Variants in XXYLT1 observed in about 807,000 individuals in gnomAD.
XXYLT1 encodes xyloside xylosyltransferase 1.
In XXYLT1, 20 loss-of-function variants were observed where a neutral mutation model predicts 28.9. The observed-to-expected ratio is 0.69, with a 90% CI of 0.49 to 1.00. The LOEUF (loss-of-function observed/expected upper bound fraction) is 1.00. Among genes scored for constraint, XXYLT1 ranks in the 50% least tolerant of loss-of-function variants. The pLI is 0.00. For synonymous variants in XXYLT1, 257 were observed against 253.8 expected (o/e 1.01, Z -0.12); for missense variants, 542 against 560.1 (o/e 0.97, Z 0.33).
At chr3:195,111,523 A>G (rs1039352255) in intron 3 of XXYLT1, among the ~76,000 whole-genome samples, 1 of 152,022 alleles carries the variant, frequency 6.6e-6, no homozygotes, top group South Asian at 2.1e-4. Flanking sequence ...TCTGGCTAGG[A>G]TGGCGCTCCA....
chr3:195,103,649 A>G (rs546692508), intron 3 of XXYLT1, among the ~76,000 whole-genome samples: 190 of 152,362 alleles, frequency 1.2e-3, no homozygotes, highest in Non-Finnish European at 1.9e-3. Flanking sequence ...GATAAATGAC[A>G]GAAGAGGTGC....
chr3:195,221,467 G>C (rs1461519459), intron 2 of XXYLT1, among the ~76,000 whole-genome samples: 1 of 152,256 alleles, frequency 6.6e-6, no homozygotes, highest in Non-Finnish European at 1.5e-5. Context: ...TATTGACAAA[G>C]GATTGACTGC....
At chr3:195,220,707 A>G (rs563149624) in intron 2 of XXYLT1, among the ~76,000 whole-genome samples, 2 of 152,300 alleles carry the variant, frequency 1.3e-5, no homozygotes, top group South Asian at 4.1e-4. Context: ...AATGGAGCCT[A>G]TCGCATGAAA....
At chr3:195,170,337 C>T (rs963079118) in intron 2 of XXYLT1, among the ~76,000 whole-genome samples, 4 of 152,038 alleles carry the variant, frequency 2.6e-5, no homozygotes, top group African/African-American at 9.7e-5. Flanking sequence ...CAGAAAACAC[C>T]CATCTTTTAG....
chr3:195,175,402 G>T (rs182956057), intron 2 of XXYLT1, among the ~76,000 whole-genome samples: 6 of 152,232 alleles, frequency 3.9e-5, no homozygotes, highest in Non-Finnish European at 7.3e-5. Context: ...CAGAAGGGAA[G>T]TCTAAGACCA....
At chr3:195,171,622 TCAAA>T (rs574115855) in intron 2 of XXYLT1, among the ~76,000 whole-genome samples, 90 of 152,306 alleles carry the variant, frequency 5.9e-4, no homozygotes, top group Non-Finnish European at 1.1e-3. Context: ...TCCATGGATG[TCAAA>T]CAAACAAACA....
At chr3:195,120,942 G>A (rs762659945) in intron 3 of XXYLT1, among the ~76,000 whole-genome samples, 1 of 152,192 alleles carries the variant, frequency 6.6e-6, no homozygotes, top group Admixed American at 6.5e-5. Flanking sequence ...AATCAGGCTC[G>A]TGGTGTTCCC....
At chr3:195,122,478 A>G (rs945108187) in intron 3 of XXYLT1, among the ~76,000 whole-genome samples, 2 of 152,050 alleles carry the variant, frequency 1.3e-5, no homozygotes, top group Non-Finnish European at 2.9e-5. Context: ...TAGTAGTAGT[A>G]CTCAGTACTC....
intron 3 of XXYLT1, among the ~76,000 whole-genome samples, chr3:195,073,902 T>C (rs537217555): frequency 1.3e-5 from 2 of 152,298 alleles, no homozygotes; most frequent in East Asian, 3.9e-4. Flanking sequence ...AGTTACTTCC[T>C]CGCTTCAAGT....
In XXYLT1 at chr3:195,112,324, A is replaced by C. The variant is rs187275271; in HGVS notation, c.786-42213T>G. Among the ~76,000 whole-genome samples, 4 of 152,194 alleles carry C rather than the reference A, an allele frequency of 2.6e-5. No homozygotes were observed. The East Asian group carries it at 7.7e-4, about 29-fold the overall frequency. ...CGCAAGCCCCAGAAGATCTGTCCACACTGATCCACTCTGCTCAGTTCTGAG... is the reference window on the plus strand; with the variant it reads ...CGCAAGCCCCAGAAGATCTGTCCACCCTGATCCACTCTGCTCAGTTCTGAG... On this transcript the variant is annotated intron_variant, in intron 3 of 3. Transcript: ENST00000310380.
intron 3 of XXYLT1, among the ~76,000 whole-genome samples, chr3:195,110,226 TAA>T (rs1268907414): frequency 1.2e-4 from 7 of 57,014 alleles, no homozygotes; most frequent in African/African-American, 2.7e-4. Context: ...GTGTGGTGTA[TAA>T]GTGTGTGGTG....
intron 2 of XXYLT1, among the ~76,000 whole-genome samples, chr3:195,214,439 G>GC (rs1723468384): frequency 6.6e-6 from 1 of 151,810 alleles, no homozygotes. Flanking sequence ...TCCTAAACCA[G>GC]CCCCCACCCC....
chr3:195,260,894 T>C (rs1725677589), intron 1 of XXYLT1, among the ~76,000 whole-genome samples: 1 of 152,158 alleles, frequency 6.6e-6, no homozygotes, highest in Non-Finnish European at 1.5e-5. Flanking sequence ...GCAGTTTTGG[T>C]TCATATTGAA....
rs766930014 is a variant in XXYLT1 at position 195,210,697 on chromosome 3, G to A, written c.652+16012C>T. 4.0e-4 allele frequency among the ~76,000 whole-genome samples: 61 copies of A among 152,324 alleles called. No individual in the cohort carries two copies. In the Middle Eastern group the frequency reaches 0.017, roughly 42 times the overall value. On this transcript the variant is annotated intron_variant, in intron 2 of 3. Coordinates refer to ENST00000310380, the MANE Select transcript of XXYLT1 (RefSeq NM_152531.5). The surrounding 1 kb of genome is among the most constrained non-coding windows in gnomAD (Gnocchi z 4.8). ...CATTTTATGACAAATTTGCTCAGCT[G>A]TCCCTCTTCAGAATAAGAGAACCGA...
chr3:195,205,550 C>G (rs1422362977), intron 2 of XXYLT1, among the ~76,000 whole-genome samples: 1 of 152,112 alleles, frequency 6.6e-6, no homozygotes, highest in Non-Finnish European at 1.5e-5. Context: ...GATAAACGTT[C>G]TCAGCTTGAT....
At chr3:195,110,177 T>A (rs1577038291) in intron 3 of XXYLT1, among the ~76,000 whole-genome samples, 9 of 24,946 alleles carry the variant, frequency 3.6e-4, no homozygotes, top group South Asian at 3.0e-3. Flanking sequence ...TGTCTGAGTA[T>A]GTGTGTGTGT....
At chr3:195,208,595 A>G (rs965383791) in intron 2 of XXYLT1, among the ~76,000 whole-genome samples, 1 of 152,252 alleles carries the variant, frequency 6.6e-6, no homozygotes, top group Non-Finnish European at 1.5e-5. Flanking sequence ...TCAGTTCTGC[A>G]GGAACAGAAA....
chr3:195,122,577 A>G (rs1438173399), intron 3 of XXYLT1, among the ~76,000 whole-genome samples: 1 of 152,124 alleles, frequency 6.6e-6, no homozygotes, highest in Non-Finnish European at 1.5e-5. Flanking sequence ...GTCCTAGGAG[A>G]GCCCACAAAC....
intron 2 of XXYLT1, among the ~76,000 whole-genome samples, chr3:195,197,012 T>G (rs1037846261): frequency 3.9e-5 from 6 of 152,148 alleles, no homozygotes; most frequent in Non-Finnish European, 8.8e-5. Flanking sequence ...TAGGAAAAAA[T>G]CAATATGCAC....
Sources: gnomAD v4.1 joint callset for allele counts (sites outside exome capture counted in the v4.1 genomes callset) on GRCh38, gnomAD v4.1.1 for gene constraint, Gnocchi (gnomAD v3.1) non-coding constraint, MANE v1.5 for transcripts, NCBI Gene and HGNC (gene_info 2026-07-23, HGNC 2026-07-21) for gene names.